Variants in BACE2 observed in about 807,000 individuals in gnomAD.
BACE2 encodes the protein 56 kDa aspartic-like protease.
Under a neutral mutation model 46.2 loss-of-function variants are expected in BACE2, and 17 were observed. The ratio of observed to expected loss-of-function variants is 0.37; its 90% CI spans 0.25 to 0.55. BACE2 has a LOEUF of 0.55. BACE2 is among the 20% of genes least tolerant of loss of function. The pLI is 0.82. For missense variants in BACE2, 595 were observed against 698.1 expected (o/e 0.85, Z 1.66); for synonymous variants, 277 against 295.9 (o/e 0.94, Z 0.66).
At chr21:41,180,351 A>T (rs1385454003) in intron 1 of BACE2, 1 of 171,242 alleles carries the variant, frequency 5.8e-6, no homozygotes, top group East Asian at 1.9e-4. Context: ...GAGATTAGAT[A>T]CTCCTCCTTA....
At chr21:41,195,183 G>A (rs969026903) in intron 1 of BACE2, among the ~76,000 whole-genome samples, 2 of 152,244 alleles carry the variant, frequency 1.3e-5, no homozygotes, top group African/African-American at 4.8e-5. Context: ...ACACTGCAAT[G>A]GCAGAGGTGA....
At position 41,187,726 on chromosome 21, in the gene BACE2, G is replaced by A. The variant is rs547842976; in HGVS notation, c.312+19151G>A. ...AATGGTTGGGGGGCAAAGGGTGATC[G>A]TGTTTGAGGTTATAAACAACCACAA... On this transcript the variant is annotated intron_variant, in intron 1 of 8. Coordinates refer to ENST00000330333, the MANE Select transcript of BACE2 (RefSeq NM_012105.5). Among the ~76,000 whole-genome samples the A allele has an allele frequency of 2.2e-4, 34 of 152,294 alleles. 1 individual carries two copies. Among genetic ancestry groups the A allele is most frequent in the African/African-American group, 7.9e-4 (33 of 41,572 alleles).
intron 1 of BACE2, among the ~76,000 whole-genome samples, chr21:41,204,330 T>C (rs966606492): frequency 1.3e-5 from 2 of 152,156 alleles, no homozygotes; most frequent in Non-Finnish European, 2.9e-5. Context: ...CATGAGCCAC[T>C]GCGCCCGGCC....
chr21:41,170,928 C>G (rs962958719), intron 1 of BACE2, among the ~76,000 whole-genome samples: 1 of 152,264 alleles, frequency 6.6e-6, no homozygotes, highest in South Asian at 2.1e-4. Context: ...GGGTCTTATA[C>G]GCATTTGGGG....
At chr21:41,171,463 C>T (rs978470055) in intron 1 of BACE2, among the ~76,000 whole-genome samples, 3 of 152,212 alleles carry the variant, frequency 2.0e-5, no homozygotes, top group South Asian at 2.1e-4. Flanking sequence ...CCCGGAAGCC[C>T]GCCTGAGAGC....
At chr21:41,221,001 C>G (rs977176916) in intron 1 of BACE2, among the ~76,000 whole-genome samples, 1 of 149,014 alleles carries the variant, frequency 6.7e-6, no homozygotes, top group Non-Finnish European at 1.5e-5. Context: ...TCAAGACCAG[C>G]CTGGGCAACA....
rs1986625623 is a variant in BACE2, at chr21:41,221,032, A to T, written c.313-5234A>T. Among the ~76,000 whole-genome samples the T allele has an allele frequency of 2.1e-5, 3 of 140,308 alleles. No homozygotes were observed. In the South Asian group the frequency reaches 6.7e-4, roughly 31 times the overall value. 92.0% of individuals were successfully genotyped at this position (140,308 alleles called of 152,430 possible). ...CAACACAGTGAGACCCCATCTCAAA[A>T]AAAAAGTATATTAAAAAAAAAAAAA... is the stretch of plus-strand genomic sequence containing the variant. On this transcript the variant is annotated intron_variant, in intron 1 of 8. Coordinates refer to ENST00000330333, the MANE Select transcript of BACE2 (RefSeq NM_012105.5).
At chr21:41,235,472 C>T (rs973633834) in intron 2 of BACE2, among the ~76,000 whole-genome samples, 3 of 152,136 alleles carry the variant, frequency 2.0e-5, no homozygotes, top group Non-Finnish European at 4.4e-5. Flanking sequence ...GGGTCAGATT[C>T]TCAGAAGTGC....
chr21:41,234,132 A>G (rs1350158201), intron 2 of BACE2, among the ~76,000 whole-genome samples: 1 of 152,308 alleles, frequency 6.6e-6, no homozygotes, highest in East Asian at 1.9e-4. Context: ...TCTTCGTGGC[A>G]GTGAATAAGT....
chr21:41,276,415 G>A lies in BACE2; in HGVS notation c.*791G>A, dbSNP rs1193869323. On this transcript the variant is annotated 3_prime_UTR_variant, in exon 9 of 9. Transcript: ENST00000330333. The stretch of plus-strand genomic sequence containing the variant: ...GGTCCTGTGCCTGGATGGGGGTGCA[G>A]GCAGCCTTGACCACGGCTGTTCCCC... The A allele has an allele frequency of 7.2e-5, 11 of 152,210 alleles. No homozygotes were observed. 9.4% of individuals were successfully genotyped at this position (152,210 alleles called of 1,614,324 possible). A position where few individuals can be genotyped will look rare whatever the true frequency, so the allele number is the denominator to read the frequency against.
intron 1 of BACE2, among the ~76,000 whole-genome samples, chr21:41,212,984 C>T (rs1373771755): frequency 6.6e-6 from 1 of 152,162 alleles, no homozygotes; most frequent in Non-Finnish European, 1.5e-5. Context: ...GGAGTTTGGC[C>T]TGTTGAACTT....
intron 1 of BACE2, among the ~76,000 whole-genome samples, chr21:41,222,424 C>A (rs1334422362): frequency 1.3e-5 from 2 of 152,168 alleles, no homozygotes; most frequent in African/African-American, 4.8e-5. Context: ...GCCACATGGA[C>A]CTGGACCTGG....
chr21:41,271,940 G>A (rs1355523910), intron 8 of BACE2, among the ~76,000 whole-genome samples: 1 of 152,006 alleles, frequency 6.6e-6, no homozygotes, highest in African/African-American at 2.4e-5. Flanking sequence ...ATTCTTTTGT[G>A]TAGATTCAAG....
At chr21:41,236,505 G>C (rs942331662) in intron 2 of BACE2, 2 of 152,242 alleles carry the variant, frequency 1.3e-5, no homozygotes, top group Admixed American at 6.5e-5. Flanking sequence ...TACCTCCAGG[G>C]CCACGTGAGT....
intron 1 of BACE2, among the ~76,000 whole-genome samples, chr21:41,195,981 T>G (rs16998096): frequency 0.036 from 5,493 of 152,260 alleles, 124 homozygotes; most frequent in Middle Eastern, 0.068. Flanking sequence ...CATTTATCCT[T>G]TGACTCAGAA....
chr21:41,222,614 C>T (rs1014382037), intron 1 of BACE2, among the ~76,000 whole-genome samples: 8 of 152,170 alleles, frequency 5.3e-5, no homozygotes, highest in South Asian at 4.1e-4. Flanking sequence ...CTCTGGGTGA[C>T]GTGAGAGCCA....
intron 8 of BACE2, among the ~76,000 whole-genome samples, chr21:41,273,311 C>T (rs1041222288): frequency 3.9e-5 from 6 of 152,106 alleles, no homozygotes; most frequent in African/African-American, 9.7e-5. Context: ...ATTTATTAGG[C>T]GGAAATTTCC....
At chr21:41,235,424 G>A (rs1197951630) in intron 2 of BACE2, among the ~76,000 whole-genome samples, 2 of 152,188 alleles carry the variant, frequency 1.3e-5, no homozygotes, top group African/African-American at 4.8e-5. Context: ...CGACCATCCT[G>A]GCACATGAAC....
intron 2 of BACE2, among the ~76,000 whole-genome samples, chr21:41,233,593 A>G (rs1291869457): frequency 1.3e-5 from 2 of 152,224 alleles, no homozygotes; most frequent in Non-Finnish European, 1.5e-5. Context: ...AGAGTTTTCT[A>G]TAGCCTGGAC....
Sources: allele counts gnomAD v4.1 joint callset (sites outside exome capture counted in the v4.1 genomes callset), GRCh38; gene constraint gnomAD v4.1.1; transcripts MANE v1.5; gene names NCBI Gene and HGNC (gene_info 2026-07-23, HGNC 2026-07-21).